FAF1: variants seen among roughly 807,000 people sequenced by gnomAD.
The protein encoded by FAF1 is Fas associated factor 1, also known as FAS-associated factor 1.
A neutral mutation model predicts 92.5 loss-of-function variants in FAF1; 25 were observed. The observed-to-expected ratio is 0.27, with a 90% CI of 0.20 to 0.38. The LOEUF is 0.38. Ranked by LOEUF, FAF1 falls within the 10% of genes least tolerant of loss-of-function variation. The probability of loss-of-function intolerance (pLI) is 1.00; values close to 1 mark genes in which losing one functional copy is unlikely to be tolerated. For missense variants in FAF1, 636 were observed against 793.3 expected (o/e 0.80, Z 2.38); for synonymous variants, 234 against 273.2 (o/e 0.86, Z 1.42).
intron 8 of FAF1, among the ~76,000 whole-genome samples, chr1:50,598,458 T>C (rs1308365016): frequency 7.2e-6 from 1 of 139,514 alleles, no homozygotes; most frequent in Non-Finnish European, 1.5e-5. Context: ...CAAGAACCTG[T>C]CTTTAAAAAA....
intron 6 of FAF1, chr1:50,715,077 A>C: frequency 2.6e-6 from 1 of 389,066 alleles, no homozygotes; most frequent in Non-Finnish European, 5.0e-6. Flanking sequence ...CTACAAACAG[A>C]AAAAGACTAT....
chr1:50,715,515 T>C (rs931330755), intron 6 of FAF1, among the ~76,000 whole-genome samples: 4 of 152,206 alleles, frequency 2.6e-5, no homozygotes, highest in Non-Finnish European at 4.4e-5. Context: ...AGATAACCAC[T>C]TTAAAATTCT....
chr1:50,834,214 T>C (rs1249736364), intron 2 of FAF1, among the ~76,000 whole-genome samples: 2 of 152,214 alleles, frequency 1.3e-5, no homozygotes, highest in Non-Finnish European at 2.9e-5. Flanking sequence ...ACCATGACTG[T>C]AAGTTTCCTG....
intron 15 of FAF1, among the ~76,000 whole-genome samples, chr1:50,518,768 A>G (rs1647334533): frequency 6.6e-6 from 1 of 152,040 alleles, no homozygotes. Context: ...CTAAGTTTTC[A>G]TTTTTCTAGA....
At chr1:50,631,364 C>T (rs1417990403) in intron 8 of FAF1, among the ~76,000 whole-genome samples, 1 of 152,198 alleles carries the variant, frequency 6.6e-6, no homozygotes, top group Non-Finnish European at 1.5e-5. Context: ...GGACATAAAT[C>T]ATCCCTTTGT....
intron 4 of FAF1, among the ~76,000 whole-genome samples, chr1:50,771,017 A>G (rs912901522): frequency 1.3e-5 from 2 of 152,244 alleles, no homozygotes; most frequent in East Asian, 3.8e-4. Context: ...CTCCCTATTC[A>G]ATAAATGGTG....
chr1:50,441,793 C>G (rs1264452534), intron 18 of FAF1, among the ~76,000 whole-genome samples: 1 of 152,022 alleles, frequency 6.6e-6, no homozygotes, highest in African/African-American at 2.4e-5. Context: ...GCTGGCAGAA[C>G]AGGGGGCCCT....
intron 7 of FAF1, among the ~76,000 whole-genome samples, chr1:50,663,249 A>G (rs1456661791): frequency 1.3e-5 from 2 of 151,588 alleles, no homozygotes; most frequent in East Asian, 3.8e-4. Context: ...ACCAGGTATT[A>G]GTATCACCTG....
intron 8 of FAF1, among the ~76,000 whole-genome samples, chr1:50,651,114 T>C (rs555353045): frequency 6.6e-6 from 1 of 152,338 alleles, no homozygotes; most frequent in African/African-American, 2.4e-5. Flanking sequence ...GACTCAAGAT[T>C]ATAAAAGAAT....
intron 2 of FAF1, among the ~76,000 whole-genome samples, chr1:50,819,778 C>CATATATATATACGTAT (rs1280493582): frequency 1.6e-4 from 5 of 30,450 alleles, no homozygotes; most frequent in Non-Finnish European, 3.7e-4. Context: ...TATATATATA[C>CATATATATATACGTAT]ATATATATAC....
intron 7 of FAF1, among the ~76,000 whole-genome samples, chr1:50,694,555 A>G (rs1299051989): frequency 2.1e-5 from 3 of 140,054 alleles, no homozygotes; most frequent in African/African-American, 5.5e-5. Context: ...TATAGCCAGG[A>G]AAAAAAAAAA....
At chr1:50,933,005 C>A (rs1645060307) in intron 1 of FAF1, among the ~76,000 whole-genome samples, 2 of 152,188 alleles carry the variant, frequency 1.3e-5, no homozygotes, top group Admixed American at 1.3e-4. Context: ...GGCTGGGACA[C>A]AGGGCACCAA....
chr1:50,820,026 C>T (rs1429139960), intron 2 of FAF1, among the ~76,000 whole-genome samples: 1 of 151,364 alleles, frequency 6.6e-6, no homozygotes, highest in Non-Finnish European at 1.5e-5. Flanking sequence ...GTCGTTTGTA[C>T]GTGCACGGCA....
chr1:50,571,182 C>T (rs1198281488), intron 12 of FAF1, among the ~76,000 whole-genome samples: 2 of 152,146 alleles, frequency 1.3e-5, no homozygotes, highest in Non-Finnish European at 1.5e-5. Context: ...AATATTGGGG[C>T]ATTAAAAAGA....
intron 1 of FAF1, among the ~76,000 whole-genome samples, chr1:50,889,294 G>T (rs1644698623): frequency 6.6e-6 from 1 of 151,878 alleles, no homozygotes; most frequent in Non-Finnish European, 1.5e-5. Context: ...TATCAATTTT[G>T]CTGATCTTTT....
intron 13 of FAF1, among the ~76,000 whole-genome samples, chr1:50,556,665 G>A (rs1649598515): frequency 6.6e-6 from 1 of 151,564 alleles, no homozygotes; most frequent in African/African-American, 2.4e-5. Flanking sequence ...GTGAGACCCC[G>A]TGTCTACAAA....
intron 1 of FAF1, among the ~76,000 whole-genome samples, chr1:50,894,397 T>C (rs1229265004): frequency 6.7e-6 from 1 of 149,520 alleles, no homozygotes; most frequent in South Asian, 2.1e-4. Flanking sequence ...TTCAGGACAG[T>C]GGGCTCCCCA....
At chr1:50,760,104 T>C (rs1660262458) in intron 4 of FAF1, among the ~76,000 whole-genome samples, 1 of 152,104 alleles carries the variant, frequency 6.6e-6, no homozygotes, top group Non-Finnish European at 1.5e-5. Flanking sequence ...GGTTGCATAC[T>C]GGTAAAGGGA....
chr1:50,591,651 C>T (rs1651515135), intron 9 of FAF1, among the ~76,000 whole-genome samples: 1 of 135,116 alleles, frequency 7.4e-6, no homozygotes, highest in South Asian at 2.4e-4. Context: ...CCACCCTAGG[C>T]AACAGAGCGA....
Sources: allele counts gnomAD v4.1 joint callset (sites outside exome capture counted in the v4.1 genomes callset), GRCh38; gene constraint gnomAD v4.1.1; transcripts MANE v1.5; gene names NCBI Gene and HGNC (gene_info 2026-07-23, HGNC 2026-07-21).